The following EFNA5 variants were observed in gnomAD, a reference collection of about 807,000 sequenced individuals.
EFNA5 encodes the protein ephrin A5.
Under a neutral mutation model 22.9 loss-of-function variants are expected in EFNA5, and 5 were observed. The ratio of observed to expected loss-of-function variants is 0.22; its 90% CI spans 0.11 to 0.46. EFNA5 has a LOEUF of 0.46. EFNA5 is among the 20% of genes least tolerant of loss of function. The pLI, the probability that EFNA5 is intolerant of heterozygous loss-of-function variation, is 0.99. For missense variants in EFNA5, 237 were observed against 293.3 expected (o/e 0.81, Z 1.40); for synonymous variants, 113 against 112.2 (o/e 1.01, Z -0.04).
At chr5:107,484,315 T>G (rs1746516950) in intron 1 of EFNA5, among the ~76,000 whole-genome samples, 1 of 152,210 alleles carries the variant, frequency 6.6e-6, no homozygotes, top group Non-Finnish European at 1.5e-5. Context: ...TCCAAGCCGC[T>G]GTTCCCACTA....
intron 1 of EFNA5, among the ~76,000 whole-genome samples, chr5:107,659,280 T>C (rs1750892769): frequency 6.6e-6 from 1 of 152,156 alleles, no homozygotes; most frequent in Non-Finnish European, 1.5e-5. Context: ...TGGTTTTAGA[T>C]ACAGCTAAGA....
intron 1 of EFNA5, among the ~76,000 whole-genome samples, chr5:107,572,026 G>A (rs1430971348): frequency 6.6e-6 from 1 of 152,082 alleles, no homozygotes; most frequent in Non-Finnish European, 1.5e-5. Flanking sequence ...ACAGCAGCGT[G>A]GACAGACAGT....
chr5:107,545,194 G>A lies in EFNA5; in HGVS notation c.126-117685C>T, dbSNP rs1370578451. On this transcript the variant is annotated intron_variant, in intron 1 of 4. Transcript: ENST00000333274. ...GCCACATCTTTCACAAACATTACCT[G>A]CCTGTCACGGTATCAGGGCTTGGCC... 2.6e-5 allele frequency among the ~76,000 whole-genome samples: 4 copies of A among 152,226 alleles called. No homozygotes were observed. In the East Asian group the frequency reaches 7.7e-4, roughly 29 times the overall value.
At chr5:107,637,573 T>C (rs953089181) in intron 1 of EFNA5, among the ~76,000 whole-genome samples, 1 of 151,430 alleles carries the variant, frequency 6.6e-6, no homozygotes. Context: ...TACTGAGTTT[T>C]TAAAGTATAT....
At position 107,377,667 on chromosome 5, in the gene EFNA5, C is replaced by T. The variant is rs1230976826; in HGVS notation, c.*3588G>A. 2.6e-5 allele frequency: 4 copies of T among 152,134 alleles called. No individual in the cohort carries two copies. Among genetic ancestry groups the T allele is most frequent in the Admixed American group, 2.6e-4 (4 of 15,286 alleles). The allele number at this position is 152,134 out of a possible 1,614,324, so 9.4% of individuals were successfully genotyped here. Reference sequence around the variant, plus strand: ...AGGGAAACAGCCCCATTTAAGCTTCCTACACTGATTGGTTTGCAACCATTT... The same window carrying T: ...AGGGAAACAGCCCCATTTAAGCTTCTTACACTGATTGGTTTGCAACCATTT... On this transcript the variant is annotated 3_prime_UTR_variant, in exon 5 of 5. Coordinates refer to ENST00000333274, the MANE Select transcript of EFNA5 (RefSeq NM_001962.3).
At chr5:107,628,997 C>T (rs1401583552) in intron 1 of EFNA5, among the ~76,000 whole-genome samples, 2 of 151,982 alleles carry the variant, frequency 1.3e-5, no homozygotes, top group African/African-American at 4.8e-5. Flanking sequence ...TCTTCGGCAT[C>T]CTAAGTGATT....
intron 1 of EFNA5, among the ~76,000 whole-genome samples, chr5:107,658,023 A>G (rs1305315710): frequency 1.3e-5 from 2 of 152,168 alleles, no homozygotes; most frequent in African/African-American, 2.4e-5. Flanking sequence ...TACAGGAGCA[A>G]AAGTTTCTCA....
At chr5:107,643,653 C>A (rs78787433) in intron 1 of EFNA5, among the ~76,000 whole-genome samples, 1 of 149,874 alleles carries the variant, frequency 6.7e-6, no homozygotes, top group Non-Finnish European at 1.5e-5. Flanking sequence ...CCAGCTGGTA[C>A]CATTTATGAA....
Position 107,644,291 on chromosome 5 carries a change from A to G in EFNA5, c.125+26198T>C, listed in dbSNP as rs1402920740. ...CTCAGATTCGTCAGACAAATACTAT[A>G]TTGCTACTTGTTATCTTCTAGTAAC... On this transcript the variant is annotated intron_variant, in intron 1 of 4. Coordinates refer to ENST00000333274, the MANE Select transcript of EFNA5 (RefSeq NM_001962.3). Among the ~76,000 whole-genome samples the G allele has an allele frequency of 2.0e-5, 3 of 152,162 alleles. No homozygotes were observed. The East Asian group carries it at 5.8e-4, about 29-fold the overall frequency.
At chr5:107,427,071 T>C (rs776225291) in intron 2 of EFNA5, 146 bp downstream of exon 2, 7 of 820,128 alleles carry the variant, frequency 8.5e-6, no homozygotes, top group Middle Eastern at 2.3e-4. Flanking sequence ...TCCCAGCTAA[T>C]GTATCTAGGG....
At chr5:107,430,999 C>A (rs1437788859) in intron 1 of EFNA5, among the ~76,000 whole-genome samples, 1 of 152,110 alleles carries the variant, frequency 6.6e-6, no homozygotes, top group Admixed American at 6.5e-5. Context: ...TGGTCTCAAT[C>A]TCCTGACCTC....
chr5:107,628,452 T>G (rs1200000172), intron 1 of EFNA5, among the ~76,000 whole-genome samples: 1 of 152,180 alleles, frequency 6.6e-6, no homozygotes, highest in Non-Finnish European at 1.5e-5. Flanking sequence ...GAATTAATAT[T>G]TTGCTCCACT....
chr5:107,450,726 G>A (rs77232795), intron 1 of EFNA5, among the ~76,000 whole-genome samples: 2,433 of 152,310 alleles, frequency 0.016, 55 homozygotes, highest in African/African-American at 0.056. Context: ...TGTAAGAGAC[G>A]CTGGGGGTGT....
intron 1 of EFNA5, among the ~76,000 whole-genome samples, chr5:107,549,433 G>A (rs1296137171): frequency 6.6e-6 from 1 of 152,184 alleles, no homozygotes; most frequent in Admixed American, 6.5e-5. Flanking sequence ...GGAAGTGGAT[G>A]CTCATAGTTT....
At chr5:107,670,156 A>ACCGGATGCCAG (rs1751159894) in intron 1 of EFNA5, among the ~76,000 whole-genome samples, 1 of 151,024 alleles carries the variant, frequency 6.6e-6, no homozygotes. Flanking sequence ...CGCGCCGGGA[A>ACCGGATGCCAG]CCGGATGCCA....
chr5:107,395,076 T>C (rs975927183), intron 2 of EFNA5, among the ~76,000 whole-genome samples: 27 of 138,396 alleles, frequency 2.0e-4, no homozygotes, highest in African/African-American at 6.4e-4. Context: ...TCTCATTCTG[T>C]CGCCCAGGCT....
chr5:107,624,371 A>G lies in EFNA5; in HGVS notation c.125+46118T>C, dbSNP rs528681019. On this transcript the variant is annotated intron_variant, in intron 1 of 4. Coordinates refer to ENST00000333274, the MANE Select transcript of EFNA5 (RefSeq NM_001962.3). ...ATTCTTTCACTACATGATGGCAGACATAATAGAATTCAAAAGTTTTAACTA... is the reference window on the plus strand; with the variant it reads ...ATTCTTTCACTACATGATGGCAGACGTAATAGAATTCAAAAGTTTTAACTA... Among the ~76,000 whole-genome samples, 10 of 152,304 alleles carry G rather than the reference A, an allele frequency of 6.6e-5. No individual in the cohort carries two copies. The South Asian group carries it at 1.7e-3, about 25-fold the overall frequency.
rs762734491 is a variant in EFNA5 at position 107,387,225 on chromosome 5, G to A, written c.565+10C>T. On this transcript the variant is annotated intron_variant, in intron 4 of 4. Transcript: ENST00000333274. ...GCATTTGTTAAAAGAGATTCTCTAA[G>A]CATACTAACCTGCTGGTTCTAATGA... 6.3e-6 allele frequency: 10 copies of A among 1,582,586 alleles called. No individual in the cohort carries two copies. The South Asian group carries it at 9.2e-5, about 15-fold the overall frequency.
At chr5:107,456,858 C>T (rs1749710754) in intron 1 of EFNA5, among the ~76,000 whole-genome samples, 1 of 152,126 alleles carries the variant, frequency 6.6e-6, no homozygotes, top group Non-Finnish European at 1.5e-5. Context: ...TTTATAAATG[C>T]TATGCTACTT....
Sources: gnomAD v4.1 joint callset for allele counts (sites outside exome capture counted in the v4.1 genomes callset) on GRCh38, gnomAD v4.1.1 for gene constraint, MANE v1.5 for transcripts, NCBI Gene and HGNC (gene_info 2026-07-23, HGNC 2026-07-21) for gene names.